The following UBE3A variants were observed in gnomAD, a reference collection of about 807,000 sequenced individuals.
UBE3A encodes the protein ubiquitin protein ligase E3A, also known as ubiquitin-protein ligase E3A.
A neutral mutation model predicts 83.4 loss-of-function variants in UBE3A; 6 were observed. The observed-to-expected ratio is 0.07, with a 90% confidence interval of 0.04 to 0.14. UBE3A has a LOEUF of 0.14. UBE3A is among the 10% of genes least tolerant of loss of function. UBE3A has a pLI of 1.00. For synonymous variants in UBE3A, 337 were observed against 355.4 expected, an observed-to-expected ratio of 0.95 and a Z score of 0.58; for missense variants, 456 against 1,036.1, an observed-to-expected ratio of 0.44 and a Z score of 7.69.
At chr15:25,367,301 T>C (rs2079465083) in intron 6 of UBE3A, among the ~76,000 whole-genome samples, 2 of 143,868 alleles carry the variant, frequency 1.4e-5, no homozygotes, top group South Asian at 2.1e-4. Flanking sequence ...TTAATTTACA[T>C]ATTAAATTAA....
intron 6 of UBE3A, among the ~76,000 whole-genome samples, chr15:25,365,271 C>T (rs1024101583): frequency 1.3e-5 from 2 of 152,006 alleles, no homozygotes; most frequent in African/African-American, 4.8e-5. Flanking sequence ...TATGATATTA[C>T]TAGACTTACA....
rs2073937312 is a variant in UBE3A at position 25,335,856 on chromosome 15, C to A, written c.*3281G>T. On this transcript the variant is annotated 3_prime_UTR_variant, in exon 13 of 13. Coordinates refer to ENST00000648336, the MANE Select transcript of UBE3A (RefSeq NM_130839.5). The stretch of plus-strand genomic sequence containing the variant: ...AATTGGAGGAGTATCCATCTAAAAT[C>A]TGGGTAAACTGGGATGGAAAAACAA... The A allele has an allele frequency of 6.6e-6, 1 of 152,226 alleles. No individual in the cohort carries two copies. 9.4% of individuals were successfully genotyped at this position (152,226 alleles called of 1,614,324 possible).
chr15:25,407,824 T>G (rs879649454), intron 3 of UBE3A: 4 of 152,220 alleles, frequency 2.6e-5, no homozygotes, highest in Non-Finnish European at 5.9e-5. Flanking sequence ...ACATTTTTCT[T>G]GCAGTAATTT....
At chr15:25,396,444 A>G (rs987510528) in intron 4 of UBE3A, among the ~76,000 whole-genome samples, 6 of 151,836 alleles carry the variant, frequency 4.0e-5, no homozygotes, top group Non-Finnish European at 7.4e-5. Flanking sequence ...TGTCTCTACA[A>G]AAAACAAACA....
chr15:25,361,375 C>T (rs148319786), intron 6 of UBE3A, among the ~76,000 whole-genome samples: 2,617 of 152,224 alleles, frequency 0.017, 77 homozygotes, highest in African/African-American at 0.059. Flanking sequence ...CCGCCCACCT[C>T]AGCCTCTCAA....
At chr15:25,434,025 G>A (rs1003973237) in intron 1 of UBE3A, among the ~76,000 whole-genome samples, 2 of 152,138 alleles carry the variant, frequency 1.3e-5, no homozygotes, top group African/African-American at 4.8e-5. Context: ...CAGCACCACT[G>A]CACTCCAACT....
chr15:25,350,721 T>A (rs1446753885), intron 11 of UBE3A, among the ~76,000 whole-genome samples: 2 of 152,114 alleles, frequency 1.3e-5, no homozygotes, highest in African/African-American at 2.4e-5. Flanking sequence ...ACACTTTGCG[T>A]ATTCATATAA....
intron 11 of UBE3A, among the ~76,000 whole-genome samples, chr15:25,350,226 A>T: frequency 6.6e-6 from 1 of 152,068 alleles, no homozygotes; most frequent in East Asian, 1.9e-4. Flanking sequence ...GCATGAGCCC[A>T]GGAGTTTCAG....
At chr15:25,356,512 G>A (rs548414195) in intron 8 of UBE3A, among the ~76,000 whole-genome samples, 179 bp downstream of exon 8, 2 of 152,238 alleles carry the variant, frequency 1.3e-5, no homozygotes, top group African/African-American at 2.4e-5. Flanking sequence ...ATATAAAAAT[G>A]TCCCCCTTTG....
chr15:25,424,223 C>G (rs1210783237), intron 1 of UBE3A, among the ~76,000 whole-genome samples: 1 of 152,120 alleles, frequency 6.6e-6, no homozygotes, highest in Non-Finnish European at 1.5e-5. Flanking sequence ...CTGGCCACAC[C>G]TCGAGTTCTT....
At chr15:25,354,781 A>G (rs2076991176) in intron 9 of UBE3A, 98 bp from the exon 10 acceptor site, 2 of 1,151,580 alleles carry the variant, frequency 1.7e-6, no homozygotes, top group Non-Finnish European at 2.5e-6. Context: ...TCCAAGAAAA[A>G]AACATTCAAG....
chr15:25,426,683 CATCT>C (rs1236983370), intron 1 of UBE3A, among the ~76,000 whole-genome samples: 13 of 152,154 alleles, frequency 8.5e-5, no homozygotes, highest in South Asian at 2.1e-4. Context: ...AAATCTACCC[CATCT>C]AATTCTAAGT....
rs2073866197 is a variant in UBE3A, at chr15:25,334,527, T to C, written c.*4610A>G. On this transcript the variant is annotated 3_prime_UTR_variant, in exon 13 of 13. Coordinates refer to ENST00000648336, the MANE Select transcript of UBE3A (RefSeq NM_130839.5). ...AATCCCTATCAAGATCCCAGCTGTT[T>C]TGCAGGAATTGACACAATGATCATA... is the stretch of plus-strand genomic sequence containing the variant. 6.6e-6 allele frequency: 1 copy of C among 152,074 alleles called. No homozygotes were observed. Among genetic ancestry groups the C allele is most frequent in the South Asian group, 2.1e-4 (1 of 4,826 alleles). 9.4% of individuals were successfully genotyped at this position (152,074 alleles called of 1,614,324 possible).
At chr15:25,378,947 C>T (rs1049364083) in intron 4 of UBE3A, among the ~76,000 whole-genome samples, 1 of 152,150 alleles carries the variant, frequency 6.6e-6, no homozygotes, top group Non-Finnish European at 1.5e-5. Context: ...ATTTTATAGA[C>T]ATTCCCACTT....
At chr15:25,403,736 G>A (rs1370463916) in intron 4 of UBE3A, among the ~76,000 whole-genome samples, 1 of 152,160 alleles carries the variant, frequency 6.6e-6, no homozygotes, top group Non-Finnish European at 1.5e-5. Context: ...TAAGCAAAAT[G>A]TGGTATATAC....
chr15:25,423,036 G>A (rs1890292299), intron 1 of UBE3A, among the ~76,000 whole-genome samples: 1 of 151,834 alleles, frequency 6.6e-6, no homozygotes, highest in African/African-American at 2.4e-5. Flanking sequence ...TATCAACTTT[G>A]TTAGCATGCT....
chr15:25,383,447 G>T, intron 4 of UBE3A, among the ~76,000 whole-genome samples: 1 of 152,062 alleles, frequency 6.6e-6, no homozygotes, highest in African/African-American at 2.4e-5. Context: ...GACCAGCCTG[G>T]CCAACACAGT....
intron 4 of UBE3A, among the ~76,000 whole-genome samples, chr15:25,398,767 T>TTTTATATATA (rs1555415650): frequency 1.8e-4 from 12 of 67,124 alleles, no homozygotes; most frequent in African/African-American, 6.0e-4. Flanking sequence ...TTTTATTCTT[T>TTTTATATATA]TATTTATATA....
chr15:25,387,399 G>A (rs2083357648), intron 4 of UBE3A, among the ~76,000 whole-genome samples: 1 of 152,148 alleles, frequency 6.6e-6, no homozygotes, highest in Non-Finnish European at 1.5e-5. Flanking sequence ...GCAGGCGCCT[G>A]TAGTCCCAGC....
Sources: gnomAD v4.1 joint callset for allele counts (sites outside exome capture counted in the v4.1 genomes callset) on GRCh38, gnomAD v4.1.1 for gene constraint, MANE v1.5 for transcripts, NCBI Gene and HGNC (gene_info 2026-07-23, HGNC 2026-07-21) for gene names.